The following PTPRT variants were observed in gnomAD, a reference collection of about 807,000 sequenced individuals.
PTPRT encodes the protein protein tyrosine phosphatase receptor type T.
In PTPRT, 56 loss-of-function variants were observed where a neutral mutation model predicts 176.8. The observed-to-expected ratio is 0.32, with a 90% CI of 0.26 to 0.40. PTPRT has a LOEUF of 0.40. PTPRT is among the 10% of genes least tolerant of loss of function. The probability of loss-of-function intolerance (pLI) is 1.00; values close to 1 mark genes in which losing one functional copy is unlikely to be tolerated. For synonymous variants in PTPRT, 783 were observed against 739.0 expected, an observed-to-expected ratio of 1.06 and a Z score of -0.96; for missense variants, 1,540 against 1,908.2, an observed-to-expected ratio of 0.81 and a Z score of 3.60.
intron 7 of PTPRT, among the ~76,000 whole-genome samples, chr20:42,567,831 T>C (rs537212128): frequency 2.6e-5 from 4 of 152,326 alleles, no homozygotes; most frequent in South Asian, 2.1e-4. Flanking sequence ...AGTGTATGCA[T>C]TGATACATGG....
chr20:42,927,111 A>C (rs1282331310), intron 1 of PTPRT, among the ~76,000 whole-genome samples: 1 of 152,202 alleles, frequency 6.6e-6, no homozygotes, highest in Admixed American at 6.5e-5. Flanking sequence ...CTGAGGGTGC[A>C]GGAAGGAATA....
intron 11 of PTPRT, among the ~76,000 whole-genome samples, chr20:42,328,522 T>C (rs1374407856): frequency 6.6e-6 from 1 of 151,990 alleles, no homozygotes; most frequent in Non-Finnish European, 1.5e-5. Context: ...TAGGAAAATA[T>C]CACATAAATA....
intron 29 of PTPRT, among the ~76,000 whole-genome samples, chr20:42,083,076 G>GCTTT (rs1983503077): frequency 8.0e-6 from 1 of 124,768 alleles, no homozygotes; most frequent in African/African-American, 3.1e-5. Context: ...CAAACTACTG[G>GCTTT]CCACCTTGGC....
intron 12 of PTPRT, among the ~76,000 whole-genome samples, chr20:42,283,859 T>C (rs2057182040): frequency 6.6e-6 from 1 of 152,124 alleles, no homozygotes; most frequent in Admixed American, 6.6e-5. Flanking sequence ...TTCTATTCCA[T>C]CTAGGTACAC....
chr20:42,411,486 C>T (rs1472430683), intron 9 of PTPRT, among the ~76,000 whole-genome samples: 1 of 132,062 alleles, frequency 7.6e-6, no homozygotes, highest in East Asian at 2.3e-4. Flanking sequence ...CATTGCACTA[C>T]AGCCTAGCCA....
At chr20:42,826,494 T>C (rs1019607474) in intron 2 of PTPRT, among the ~76,000 whole-genome samples, 9 of 152,282 alleles carry the variant, frequency 5.9e-5, no homozygotes, top group Non-Finnish European at 1.0e-4. Context: ...ATCTCTAACA[T>C]GAACAGAAGA....
chr20:42,338,681 C>T (rs1225431486), intron 11 of PTPRT, among the ~76,000 whole-genome samples: 1 of 152,124 alleles, frequency 6.6e-6, no homozygotes, highest in African/African-American at 2.4e-5. Context: ...GATTCCTCTT[C>T]CTACTTTTTC....
intron 15 of PTPRT, among the ~76,000 whole-genome samples, chr20:42,203,141 G>A (rs1244997110): frequency 4.6e-5 from 7 of 152,136 alleles, no homozygotes; most frequent in Admixed American, 2.6e-4. Context: ...AATTGGCAAA[G>A]ACAGCTACAA....
At position 42,448,244 on chromosome 20, in the gene PTPRT, G is replaced by C. The variant is rs370925410; in HGVS notation, c.1536C>G (p.Thr512=). ...CCTCGTAGAGCGTGATGACCCCATT[G>C]GTCTCATTGGGAGGTTTCCACTGGA... ...IYIQWKPPNE[T]NGVITLYEIN... The change falls in exon 9 of 31, where the codon ACC becomes ACG. Residue 512 remains threonine (T), a synonymous_variant. Coordinates refer to ENST00000373187, the MANE Select transcript of PTPRT (RefSeq NM_007050.6). 2.3e-5 allele frequency: 37 copies of C among 1,612,628 alleles called. No individual in the cohort carries two copies. The highest frequency in any genetic ancestry group is 2.2e-5 in the Non-Finnish European group (26 of 1,178,854).
intron 11 of PTPRT, among the ~76,000 whole-genome samples, chr20:42,322,596 T>C (rs1464882288): frequency 1.6e-4 from 24 of 147,606 alleles, no homozygotes; most frequent in Admixed American, 1.1e-3. Context: ...TTACACCTTA[T>C]ACAAAAATCA....
chr20:42,259,321 CT>C (rs918419940), intron 13 of PTPRT, among the ~76,000 whole-genome samples: 24 of 152,118 alleles, frequency 1.6e-4, no homozygotes, highest in African/African-American at 2.9e-4. Context: ...AAGAAAGTGT[CT>C]TTTTTTTATC....
the PTPRT span, among the ~76,000 whole-genome samples, chr20:42,067,019 T>A: frequency 6.6e-6 from 1 of 152,168 alleles, no homozygotes; most frequent in Admixed American, 6.5e-5. Context: ...TTCCTCAAAG[T>A]GAACCTCTGC....
intron 9 of PTPRT, among the ~76,000 whole-genome samples, chr20:42,371,942 T>A (rs2058592450): frequency 6.6e-6 from 1 of 152,124 alleles, no homozygotes; most frequent in Non-Finnish European, 1.5e-5. Flanking sequence ...TCCATGTAGG[T>A]TGGTCCAGAA....
Position 42,342,880 on chromosome 20 carries a change from G to A in PTPRT, c.1865+7748C>T, listed in dbSNP as rs376117719. Among the ~76,000 whole-genome samples the A allele has an allele frequency of 4.6e-5, 7 of 152,334 alleles. No individual in the cohort carries two copies. The East Asian group carries it at 7.7e-4, about 17-fold the overall frequency. ...GTAGGCTGTATCTCCAATTGGTACT[G>A]TAGCTAATCACTGTGCAGTTCAGAA... On this transcript the variant is annotated intron_variant, in intron 11 of 30. Coordinates refer to ENST00000373187, the MANE Select transcript of PTPRT (RefSeq NM_007050.6).
intron 6 of PTPRT, among the ~76,000 whole-genome samples, chr20:42,725,285 G>C (rs1325788103): frequency 1.3e-5 from 2 of 151,096 alleles, no homozygotes; most frequent in South Asian, 2.1e-4. Context: ...CTCAAAAAAA[G>C]AAAGAAAAAA....
At chr20:42,298,574 T>C (rs2057418906) in intron 12 of PTPRT, among the ~76,000 whole-genome samples, 1 of 152,194 alleles carries the variant, frequency 6.6e-6, no homozygotes, top group South Asian at 2.1e-4. Context: ...CTGAAAGATA[T>C]TGAAAACAAT....
At chr20:43,001,768 C>T (rs539160996) in intron 1 of PTPRT, among the ~76,000 whole-genome samples, 4 of 152,264 alleles carry the variant, frequency 2.6e-5, no homozygotes, top group Admixed American at 1.3e-4. Flanking sequence ...AGAAAGATCA[C>T]TTTCAAATTG....
At chr20:42,215,911 C>A (rs571354826) in intron 15 of PTPRT, among the ~76,000 whole-genome samples, 2 of 152,300 alleles carry the variant, frequency 1.3e-5, no homozygotes, top group African/African-American at 2.4e-5. Context: ...TGAGGCTGAG[C>A]TGAACTCTGT....
intron 7 of PTPRT, among the ~76,000 whole-genome samples, chr20:42,588,827 T>C (rs2073518043): frequency 1.3e-5 from 2 of 152,160 alleles, no homozygotes; most frequent in African/African-American, 4.8e-5. Context: ...GTTTATTGTG[T>C]GCTGGGCACG....
Sources: allele counts gnomAD v4.1 joint callset (sites outside exome capture counted in the v4.1 genomes callset), GRCh38; gene constraint gnomAD v4.1.1; transcripts MANE v1.5; gene names NCBI Gene and HGNC (gene_info 2026-07-23, HGNC 2026-07-21).